Variants in PRKACB observed in about 807,000 individuals in gnomAD.
The protein encoded by PRKACB is cAMP-dependent protein kinase catalytic subunit beta.
Under a neutral mutation model 51.4 loss-of-function variants are expected in PRKACB, and 16 were observed. The ratio of observed to expected loss-of-function variants is 0.31; its 90% CI spans 0.21 to 0.47. The LOEUF (loss-of-function observed/expected upper bound fraction) is 0.47, where lower values mean the gene tolerates loss of function less well. Ranked by LOEUF, PRKACB falls within the 20% of genes least tolerant of loss-of-function variation. The probability of loss-of-function intolerance (pLI) is 1.00; values close to 1 mark genes in which losing one functional copy is unlikely to be tolerated. For missense variants in PRKACB, 309 were observed against 464.5 expected (o/e 0.67, Z 3.08); for synonymous variants, 147 against 154.4 (o/e 0.95, Z 0.35).
chr1:84,135,466 G>A (rs142299343), intron 1 of PRKACB, among the ~76,000 whole-genome samples: 44 of 152,216 alleles, frequency 2.9e-4, no homozygotes, highest in African/African-American at 1.0e-3. Flanking sequence ...TTTAACAAGA[G>A]CAAAATATAC....
intron 8 of PRKACB, among the ~76,000 whole-genome samples, chr1:84,208,562 A>G (rs1287505928): frequency 6.6e-6 from 1 of 152,220 alleles, no homozygotes; most frequent in Non-Finnish European, 1.5e-5. Context: ...GGAACTTCCT[A>G]TACTTTCCCA....
intron 1 of PRKACB, among the ~76,000 whole-genome samples, chr1:84,089,523 T>A (rs1310465710): frequency 1.3e-5 from 2 of 152,178 alleles, no homozygotes; most frequent in Admixed American, 6.5e-5. Flanking sequence ...TTCTCATCCT[T>A]GTTGCTGTCA....
At chr1:84,205,154 A>C (rs927751581) in intron 8 of PRKACB, 244 of 982,580 alleles carry the variant, frequency 2.5e-4, no homozygotes, top group Non-Finnish European at 2.9e-4. Context: ...TGTGGGATAT[A>C]AAATTATCCC....
intron 1 of PRKACB, among the ~76,000 whole-genome samples, chr1:84,132,641 T>G (rs577018532): frequency 5.9e-4 from 89 of 151,932 alleles, no homozygotes; most frequent in Non-Finnish European, 8.7e-4. Flanking sequence ...AAAATAGACA[T>G]CATGTAAGAG....
intron 9 of PRKACB, among the ~76,000 whole-genome samples, chr1:84,216,167 C>T (rs888872376): frequency 9.9e-5 from 15 of 151,896 alleles, no homozygotes; most frequent in African/African-American, 2.7e-4. Context: ...GGCAAAACCC[C>T]GTCTCTACAA....
rs1329956562 is a variant in PRKACB at position 84,144,421 on chromosome 1, G to T, written c.60G>T (p.Gln20His). ...ATACAGGTACAACTACAGCTCTTCA[G>T]AAATTGGAAGGTTTTGCTAGCCGGT... ...NQYTGTTTAL[Q>H]KLEGFASRLF... Residue 20 changes from glutamine to histidine, a missense_variant, in exon 1 of 10, where the codon CAG becomes CAT. By Grantham distance (24) the Gln-to-His change is conservative (BLOSUM62 0). Around this residue, in one of 3 missense-constraint regions of PRKACB, gnomAD observed 153 missense variants for 190.2 expected, o/e 0.80. Transcript: ENST00000370685. 1 of 1,613,384 alleles carries T rather than the reference G, an allele frequency of 6.2e-7. No homozygotes were observed. The highest frequency in any genetic ancestry group is 1.7e-5 in the Admixed American group (1 of 59,892).
At chr1:84,109,500 ATTG>A (rs546712100) in intron 1 of PRKACB, among the ~76,000 whole-genome samples, 189 of 151,964 alleles carry the variant, frequency 1.2e-3, no homozygotes, top group African/African-American at 4.3e-3. Context: ...GGGAGTCCCT[ATTG>A]TTGTGCATTT....
chr1:84,169,627 G>A (rs186865084), intron 1 of PRKACB, among the ~76,000 whole-genome samples: 90 of 151,602 alleles, frequency 5.9e-4, no homozygotes, highest in African/African-American at 2.1e-3. Flanking sequence ...AAAATAAAAG[G>A]ACATTTTACA....
At chr1:84,233,319 T>G (rs367725592) in intron 9 of PRKACB, among the ~76,000 whole-genome samples, 1 of 151,480 alleles carries the variant, frequency 6.6e-6, no homozygotes. Context: ...GAGGGTAACC[T>G]GACCTTTCTC....
chr1:84,224,227 T>C (rs1301848034), intron 9 of PRKACB, among the ~76,000 whole-genome samples: 1 of 152,170 alleles, frequency 6.6e-6, no homozygotes, highest in Non-Finnish European at 1.5e-5. Flanking sequence ...AGGCCAAGCA[T>C]ACCTGCCCCT....
At chr1:84,180,187 T>TATATATATATATATATATATATATAG (rs1662851071) in intron 2 of PRKACB, among the ~76,000 whole-genome samples, 1 of 98,468 alleles carries the variant, frequency 1.0e-5, no homozygotes, top group Admixed American at 1.0e-4. Context: ...AACTGTGATA[T>TATATATATATATATATATATATATAG]ATATATATAT....
chr1:84,234,668 C>T (rs1257008689), intron 9 of PRKACB, among the ~76,000 whole-genome samples: 5 of 152,174 alleles, frequency 3.3e-5, no homozygotes, highest in Non-Finnish European at 7.3e-5. Flanking sequence ...GTGGGAGTGA[C>T]CTGATTTTCC....
intron 1 of PRKACB, chr1:84,178,934 T>C (rs1371050012): frequency 3.7e-6 from 1 of 273,680 alleles, no homozygotes; most frequent in East Asian, 8.4e-5. Context: ...GAATTTTTGT[T>C]ATGACATTTG....
At chr1:84,090,937 C>T (rs915813081) in intron 1 of PRKACB, among the ~76,000 whole-genome samples, 2 of 152,176 alleles carry the variant, frequency 1.3e-5, no homozygotes, top group Non-Finnish European at 2.9e-5. Context: ...ATCCCAACCC[C>T]TCCTGCTTTC....
At chr1:84,187,832 A>G (rs1665627143) in intron 5 of PRKACB, among the ~76,000 whole-genome samples, 1 of 152,142 alleles carries the variant, frequency 6.6e-6, no homozygotes, top group African/African-American at 2.4e-5. Context: ...GAACCAAGGC[A>G]GTCTTAGATT....
Position 84,144,478 on chromosome 1 carries a change from T to C in PRKACB, c.117T>C (p.His39=). The part of the protein sequence containing the change: ...LFHRHSKGTA[H]DQKTALENDS... ...ATAGACACTCTAAAGGTACTGCACA[T>C]GATCAGAAAACAGCTCTGGAAAATG... Residue 39 remains histidine (H), a synonymous_variant, in exon 1 of 10, where the codon CAT becomes CAC. Coordinates refer to ENST00000370685, the MANE Select transcript of PRKACB (RefSeq NM_182948.4). 2 of 1,612,254 alleles carry C rather than the reference T, an allele frequency of 1.2e-6. No homozygotes were observed. Among genetic ancestry groups the C allele is most frequent in the South Asian group, 1.1e-5 (1 of 90,832 alleles).
intron 1 of PRKACB, among the ~76,000 whole-genome samples, chr1:84,148,583 G>A (rs1294165472): frequency 6.6e-6 from 1 of 151,942 alleles, no homozygotes; most frequent in African/African-American, 2.4e-5. Flanking sequence ...ACACAAATGA[G>A]CTTCTTACTA....
chr1:84,228,243 A>G (rs527469983), intron 9 of PRKACB, among the ~76,000 whole-genome samples: 1 of 152,308 alleles, frequency 6.6e-6, no homozygotes, highest in African/African-American at 2.4e-5. Flanking sequence ...GTAAATAACT[A>G]TATATATGTT....
At chr1:84,107,856 A>G (rs1282732715) in intron 1 of PRKACB, among the ~76,000 whole-genome samples, 1 of 152,128 alleles carries the variant, frequency 6.6e-6, no homozygotes, top group Admixed American at 6.6e-5. Flanking sequence ...GCTTGCAGAG[A>G]AAAGGGAGCA....
Sources: allele counts gnomAD v4.1 joint callset (sites outside exome capture counted in the v4.1 genomes callset), GRCh38; gene constraint gnomAD v4.1.1; regional missense constraint gnomAD v4.1.1; transcripts MANE v1.5; gene names NCBI Gene and HGNC (gene_info 2026-07-23, HGNC 2026-07-21).